The following PUM2 variants were observed in gnomAD, a reference collection of about 807,000 sequenced individuals.
PUM2 encodes pumilio homolog 2.
A neutral mutation model predicts 124.5 loss-of-function variants in PUM2; 57 were observed. The ratio of observed to expected loss-of-function variants is 0.46; its 90% CI spans 0.37 to 0.57. The LOEUF is 0.57. Among genes scored for constraint, PUM2 ranks in the 20% least tolerant of loss-of-function variants. PUM2 has a pLI of 0.00. For missense variants in PUM2, 1,065 were observed against 1,290.6 expected (o/e 0.83, Z 2.68); for synonymous variants, 460 against 446.1 (o/e 1.03, Z -0.39).
At chr2:20,268,077 C>G (rs1048553743) in intron 13 of PUM2, among the ~76,000 whole-genome samples, 4 of 152,080 alleles carry the variant, frequency 2.6e-5, no homozygotes, top group African/African-American at 9.7e-5. Context: ...AGAAATCTGT[C>G]TAGCCTTCAT....
intron 13 of PUM2, among the ~76,000 whole-genome samples, chr2:20,275,685 T>C (rs10856797): frequency 0.36 from 55,049 of 151,680 alleles, 10,100 homozygotes; most frequent in Middle Eastern, 0.43. Context: ...AACCCATAAA[T>C]TATCTGACCA....
chr2:20,328,321 C>A (rs530848857), intron 1 of PUM2, among the ~76,000 whole-genome samples: 2 of 150,660 alleles, frequency 1.3e-5, no homozygotes, highest in Admixed American at 1.3e-4. Context: ...CGCAGAGAGA[C>A]TCTGTCTCAA....
chr2:20,260,711 C>T (rs917352122), intron 14 of PUM2, among the ~76,000 whole-genome samples: 2 of 152,166 alleles, frequency 1.3e-5, no homozygotes, highest in Non-Finnish European at 2.9e-5. Context: ...AGGTTGGTTA[C>T]ATTATAATCA....
In PUM2 at chr2:20,318,549, A is replaced by G; in HGVS notation, c.148T>C (p.Trp50Arg). 6.2e-7 allele frequency: 1 copy of G among 1,610,896 alleles called. No individual in the cohort carries two copies. Among genetic ancestry groups the G allele is most frequent in the Non-Finnish European group, 8.5e-7 (1 of 1,177,530 alleles). Residue 50 changes from tryptophan to arginine, a missense_variant, in exon 3 of 21, where the codon TGG becomes CGG. Transcript: ENST00000361078. ...LGDDEWRETA[W>R]GASHHSMSQP... ...ACCAGTAACTTACGAGAAGCTCCCC[A>G]TGCAGTCTCTCTCCATTCATCATCC...
At chr2:20,290,545 G>A (rs972952117) in intron 10 of PUM2, 107 bp downstream of exon 10, 5 of 1,190,482 alleles carry the variant, frequency 4.2e-6, no homozygotes, top group Non-Finnish European at 5.7e-6. Flanking sequence ...TTGTTACAAG[G>A]TAGGCAAGAT....
At chr2:20,296,603 GC>G (rs1328968581) in intron 8 of PUM2, among the ~76,000 whole-genome samples, 1 of 62,718 alleles carries the variant, frequency 1.6e-5, no homozygotes, top group Admixed American at 1.8e-4. Context: ...AGCCCCCCCA[GC>G]CCCCCCAAAA....
At chr2:20,274,957 C>CAAAAAAGAAAAAAAAA (rs1669866318) in intron 13 of PUM2, among the ~76,000 whole-genome samples, 1 of 31,428 alleles carries the variant, frequency 3.2e-5, no homozygotes, top group Non-Finnish European at 6.0e-5. Flanking sequence ...GAAGTATCTC[C>CAAAAAAGAAAAAAAAA]AAAAAAAAAA....
At chr2:20,312,597 T>C (rs1679873867) in intron 3 of PUM2, among the ~76,000 whole-genome samples, 174 bp from the exon 4 acceptor site, 1 of 152,206 alleles carries the variant, frequency 6.6e-6, no homozygotes, top group African/African-American at 2.4e-5. Flanking sequence ...GAACATTCCA[T>C]GCTCATAGAT....
intron 7 of PUM2, among the ~76,000 whole-genome samples, chr2:20,302,749 T>G (rs1270659019): frequency 1.3e-5 from 2 of 152,242 alleles, no homozygotes; most frequent in Admixed American, 6.5e-5. Context: ...TTCTTGAGTT[T>G]GCAGGATGGC....
chr2:20,289,453 C>T (rs1673494870), intron 10 of PUM2, among the ~76,000 whole-genome samples: 1 of 152,184 alleles, frequency 6.6e-6, no homozygotes, highest in Admixed American at 6.5e-5. Flanking sequence ...CTTCACAGTC[C>T]ATTTCTCAAA....
At chr2:20,335,862 A>G (rs1685885862) in intron 1 of PUM2, among the ~76,000 whole-genome samples, 2 of 152,228 alleles carry the variant, frequency 1.3e-5, no homozygotes, top group Non-Finnish European at 2.9e-5. Context: ...ACAAATCTAT[A>G]TATGTGCAAA....
intron 7 of PUM2, among the ~76,000 whole-genome samples, chr2:20,300,787 GAAAA>G (rs200897444): frequency 1.6e-5 from 1 of 61,458 alleles, no homozygotes; most frequent in Non-Finnish European, 3.5e-5. Flanking sequence ...GATTGAAAGA[GAAAA>G]AAAAAAAAAA....
intron 1 of PUM2, among the ~76,000 whole-genome samples, chr2:20,330,223 C>T (rs1017490546): frequency 6.6e-6 from 1 of 152,110 alleles, no homozygotes; most frequent in Admixed American, 6.5e-5. Flanking sequence ...TTTACACCTG[C>T]GGAAAATATC....
chr2:20,340,558 G>A (rs573709866), intron 1 of PUM2, among the ~76,000 whole-genome samples: 18 of 152,306 alleles, frequency 1.2e-4, no homozygotes, highest in Non-Finnish European at 2.1e-4. Flanking sequence ...GTCCAGGTAG[G>A]AGGATTTTAT....
chr2:20,334,581 C>A (rs1019499673), intron 1 of PUM2, among the ~76,000 whole-genome samples: 28 of 152,150 alleles, frequency 1.8e-4, no homozygotes, highest in South Asian at 4.2e-4. Context: ...ATGAAAAAAA[C>A]CATATTTTAT....
intron 8 of PUM2, among the ~76,000 whole-genome samples, chr2:20,295,047 GAAC>G (rs562999213): frequency 7.2e-4 from 110 of 152,164 alleles, no homozygotes; most frequent in South Asian, 1.7e-3. Flanking sequence ...GATTCTCACA[GAAC>G]AACTGCAAAT....
At chr2:20,330,292 T>C (rs1684632769) in intron 1 of PUM2, among the ~76,000 whole-genome samples, 1 of 152,200 alleles carries the variant, frequency 6.6e-6, no homozygotes, top group Non-Finnish European at 1.5e-5. Flanking sequence ...CCTTTGTCCA[T>C]GTCCTGGCAA....
intron 1 of PUM2, among the ~76,000 whole-genome samples, chr2:20,332,486 T>C (rs760098497): frequency 4.0e-5 from 6 of 151,542 alleles, no homozygotes; most frequent in Non-Finnish European, 7.4e-5. Context: ...TTTATTTCAA[T>C]TACGAGAAAG....
At chr2:20,337,370 G>A (rs1686347206) in intron 1 of PUM2, among the ~76,000 whole-genome samples, 2 of 152,086 alleles carry the variant, frequency 1.3e-5, no homozygotes. Flanking sequence ...CATATTGTTT[G>A]GGATTTACTT....
Sources: gnomAD v4.1 joint callset for allele counts (sites outside exome capture counted in the v4.1 genomes callset) on GRCh38, gnomAD v4.1.1 for gene constraint, MANE v1.5 for transcripts, NCBI Gene and HGNC (gene_info 2026-07-23, HGNC 2026-07-21) for gene names.